The following PROSER2 variants were observed in gnomAD, a reference collection of about 807,000 sequenced individuals.
PROSER2 encodes proline and serine rich 2, also known as proline and serine-rich protein 2.
A neutral mutation model predicts 14.6 loss-of-function variants in PROSER2; 18 were observed. The observed-to-expected ratio is 1.23, with a 90% CI of 0.85 to 1.83. The LOEUF (loss-of-function observed/expected upper bound fraction) is 1.83. Ranked by LOEUF, PROSER2 falls within the 40% of genes most tolerant of loss-of-function variation. The pLI is 0.00. For missense variants in PROSER2, 823 were observed against 629.8 expected (o/e 1.31, Z -3.28); for synonymous variants, 367 against 286.4 (o/e 1.28, Z -2.84).
intron 3 of PROSER2, among the ~76,000 whole-genome samples, chr10:11,867,189 C>T (rs924296949): frequency 1.1e-4 from 15 of 140,660 alleles, no homozygotes; most frequent in East Asian, 2.1e-4. Context: ...GGCGTGAACC[C>T]GGGAGGCAGA....
At chr10:11,854,675 A>C (rs1171558747) in intron 2 of PROSER2, among the ~76,000 whole-genome samples, 6 of 148,838 alleles carry the variant, frequency 4.0e-5, no homozygotes, top group African/African-American at 1.5e-4. Context: ...CCCCTGCCTC[A>C]CCCTCCCGAG....
At chr10:11,831,767 G>A (rs1399468917) in intron 1 of PROSER2, 1 of 152,014 alleles carries the variant, frequency 6.6e-6, no homozygotes, top group Non-Finnish European at 1.5e-5. Context: ...CAGTGATGGC[G>A]AACCGACACT....
intron 1 of PROSER2, among the ~76,000 whole-genome samples, chr10:11,835,031 C>T (rs996795165): frequency 6.6e-6 from 1 of 151,402 alleles, no homozygotes; most frequent in Non-Finnish European, 1.5e-5. Context: ...TGTTCAAACC[C>T]GGGAGGCAGA....
chr10:11,838,807 AATC>A lies in PROSER2; in HGVS notation c.-81-13187_-81-13185del, dbSNP rs1335899132. ...TGGTTTCCTCGTTTGTACACTGTCT[AATC>A]ATATTCCTTGTTCATTATTTTTTTC... is the stretch of plus-strand genomic sequence containing the variant. On this transcript the variant is annotated intron_variant, in intron 1 of 3. Transcript: ENST00000277570. The surrounding 1 kb of genome is among the most constrained non-coding windows in gnomAD (Gnocchi z 4.4). 6.6e-6 allele frequency among the ~76,000 whole-genome samples: 1 copy of A among 152,210 alleles called. No individual in the cohort carries two copies. The highest frequency in any genetic ancestry group is 1.5e-5 in the Non-Finnish European group (1 of 68,034).
intron 2 of PROSER2, among the ~76,000 whole-genome samples, chr10:11,864,592 C>CTT (rs533338162): frequency 9.4e-4 from 131 of 139,678 alleles, no homozygotes; most frequent in Non-Finnish European, 1.4e-3. Flanking sequence ...TTTTTTTTTT[C>CTT]TTTTTTTTTT....
At chr10:11,860,746 C>T (rs1344923200) in intron 2 of PROSER2, among the ~76,000 whole-genome samples, 1 of 152,140 alleles carries the variant, frequency 6.6e-6, no homozygotes, top group Admixed American at 6.5e-5. Flanking sequence ...GGGATCCGAG[C>T]AAGGGTCGGT....
In PROSER2 at chr10:11,840,425, G is replaced by A. The variant is rs559822843; in HGVS notation, c.-81-11572G>A. ...GGCTTTTCTAATTTAACCTGTTAAT[G>A]TGCTACATCACGTTGGAAAATTAAT... On this transcript the variant is annotated intron_variant, in intron 1 of 3. Transcript: ENST00000277570. Among the ~76,000 whole-genome samples, 9 of 152,202 alleles carry A rather than the reference G, an allele frequency of 5.9e-5. No homozygotes were observed. In the East Asian group the frequency reaches 1.7e-3, roughly 29 times the overall value.
At chr10:11,859,500 C>T (rs1423525752) in intron 2 of PROSER2, among the ~76,000 whole-genome samples, 1 of 152,202 alleles carries the variant, frequency 6.6e-6, no homozygotes, top group Non-Finnish European at 1.5e-5. Context: ...ACCTTTCTAA[C>T]TAATAGGGAC....
At position 11,869,363 on chromosome 10, in the gene PROSER2, C is replaced by T; in HGVS notation, c.392-127C>T. 1 of 679,444 alleles carries T rather than the reference C, an allele frequency of 1.5e-6. No homozygotes were observed. The allele number at this position is 679,444 out of a possible 1,614,324, so 42.1% of individuals were successfully genotyped here. A position where few individuals can be genotyped will look rare whatever the true frequency, so the allele number is the denominator to read the frequency against. On this transcript the variant is annotated intron_variant, in intron 3 of 3. Transcript: ENST00000277570. The surrounding 1 kb of genome is among the most constrained non-coding windows in gnomAD (Gnocchi z 4.4). ...AGGAACAGGGAGAGAGGAGTTGACT[C>T]ACAGGCAGCACCGGCGAAGTTGGTG...
At chr10:11,867,068 T>C (rs1349627562) in intron 3 of PROSER2, among the ~76,000 whole-genome samples, 1 of 151,864 alleles carries the variant, frequency 6.6e-6, no homozygotes, top group Non-Finnish European at 1.5e-5. Flanking sequence ...ATTGAGACCA[T>C]CCTGACTAAC....
rs770828245 is a variant in PROSER2, at chr10:11,862,063, G to A, written c.139-4468G>A. Among the ~76,000 whole-genome samples, 1 of 152,170 alleles carries A rather than the reference G, an allele frequency of 6.6e-6. No homozygotes were observed. Among genetic ancestry groups the A allele is most frequent in the Non-Finnish European group, 1.5e-5 (1 of 68,030 alleles). On this transcript the variant is annotated intron_variant, in intron 2 of 3. Transcript: ENST00000277570. This position sits in a 1 kb window ranked among gnomAD's most constrained non-coding sequence, Gnocchi z 4.2. ...AGAGTTTCTAATGCGGCAGGTCTGGGATCGGACCCAGGAATGTTTCTGACA... is the reference window on the plus strand; with the variant it reads ...AGAGTTTCTAATGCGGCAGGTCTGGAATCGGACCCAGGAATGTTTCTGACA...
chr10:11,861,806 TG>T (rs1422129836), intron 2 of PROSER2, among the ~76,000 whole-genome samples: 1 of 152,154 alleles, frequency 6.6e-6, no homozygotes, highest in Non-Finnish European at 1.5e-5. Flanking sequence ...GAGTTGGCCA[TG>T]CCTCCCGAGG....
Position 11,852,166 on chromosome 10 carries a change from G to T in PROSER2, c.89G>T (p.Gly30Val). 6.2e-7 allele frequency: 1 copy of T among 1,613,068 alleles called. No individual in the cohort carries two copies. Among genetic ancestry groups the T allele is most frequent in the South Asian group, 1.1e-5 (1 of 90,760 alleles). The change falls in exon 2 of 4, where the codon GGC (glycine) becomes GTC (valine). Residue 30 changes from glycine to valine, a missense_variant. Transcript: ENST00000277570. The part of the protein sequence containing the change: ...SCRLRAFSRG[G>V]SLESRSSSSR... ...AGGCTCCGAGCCTTCAGCAGAGGCG[G>T]CAGCCTGGAGAGTCGAAGCAGCAGC...
rs898800505 is a variant in PROSER2 at position 11,830,424 on chromosome 10, C to T, written c.-82+6954C>T. Among the ~76,000 whole-genome samples, 2 of 152,130 alleles carry T rather than the reference C, an allele frequency of 1.3e-5. No homozygotes were observed. Among genetic ancestry groups the T allele is most frequent in the East Asian group, 1.9e-4 (1 of 5,192 alleles). ...ATATACCACATTTTCTTTATCCTGTCGTCTGTCGATGGACGCCTAGATTGA... is the reference window on the plus strand; with the variant it reads ...ATATACCACATTTTCTTTATCCTGTTGTCTGTCGATGGACGCCTAGATTGA... On this transcript the variant is annotated intron_variant, in intron 1 of 3. Coordinates refer to ENST00000277570, the MANE Select transcript of PROSER2 (RefSeq NM_153256.4). This position sits in a 1 kb window ranked among gnomAD's most constrained non-coding sequence, Gnocchi z 4.5.
At chr10:11,854,017 C>T (rs911577410) in intron 2 of PROSER2, among the ~76,000 whole-genome samples, 3 of 152,146 alleles carry the variant, frequency 2.0e-5, no homozygotes, top group African/African-American at 7.2e-5. Context: ...TTGTAAAGCC[C>T]ACTCATAGGA....
chr10:11,829,225 C>A (rs1238897177), intron 1 of PROSER2, among the ~76,000 whole-genome samples: 1 of 151,538 alleles, frequency 6.6e-6, no homozygotes. Context: ...ATGGTATGAA[C>A]AAGGGGAAGA....
intron 2 of PROSER2, among the ~76,000 whole-genome samples, chr10:11,858,692 C>A (rs1159275980): frequency 6.6e-6 from 1 of 152,100 alleles, no homozygotes; most frequent in Non-Finnish European, 1.5e-5. Context: ...CTTGTCATTT[C>A]TTGAAGTCAG....
rs1309098136 is a variant in PROSER2, at chr10:11,823,737, C to T, written c.-82+267C>T. 5.3e-5 allele frequency among the ~76,000 whole-genome samples: 8 copies of T among 152,048 alleles called. No individual in the cohort carries two copies. The highest frequency in any genetic ancestry group is 5.2e-4 in the Admixed American group (8 of 15,272). ...GCGCGGCGGGGAGCGCGCTGGGTTC[C>T]GAGTCTGGGGCTATCCTGGGGGCTC... On this transcript the variant is annotated intron_variant, in intron 1 of 3. Coordinates refer to ENST00000277570, the MANE Select transcript of PROSER2 (RefSeq NM_153256.4). The surrounding 1 kb of genome is among the most constrained non-coding windows in gnomAD (Gnocchi z 6.2).
intron 2 of PROSER2, among the ~76,000 whole-genome samples, chr10:11,853,104 G>C (rs561153899): frequency 6.6e-6 from 1 of 152,220 alleles, no homozygotes; most frequent in Admixed American, 6.5e-5. Flanking sequence ...ACCATTGGGG[G>C]CACCTCTCAG....
Sources: allele counts gnomAD v4.1 joint callset (sites outside exome capture counted in the v4.1 genomes callset), GRCh38; gene constraint gnomAD v4.1.1; non-coding constraint Gnocchi (gnomAD v3.1); transcripts MANE v1.5; gene names NCBI Gene and HGNC (gene_info 2026-07-23, HGNC 2026-07-21).